The following CFAP107 variants were observed in gnomAD, a reference collection of about 807,000 sequenced individuals.
The protein encoded by CFAP107 is cilia- and flagella-associated protein 107.
At chr1:12,754,342 G>A in the CFAP107 span, among the ~76,000 whole-genome samples, 10 of 152,212 alleles carry the variant, frequency 6.6e-5, no homozygotes, top group African/African-American at 2.4e-4. Flanking sequence ...TCACCCTTTA[G>A]TATGGCTAGT....
At chr1:12,752,392 C>A in the CFAP107 span, among the ~76,000 whole-genome samples, 2 of 151,304 alleles carry the variant, frequency 1.3e-5, no homozygotes, top group African/African-American at 4.9e-5. Flanking sequence ...TGAGACCAGC[C>A]TGGCCAACAT....
At chr1:12,752,980 T>G in the CFAP107 span, among the ~76,000 whole-genome samples, 17 of 152,278 alleles carry the variant, frequency 1.1e-4, no homozygotes, top group Non-Finnish European at 2.1e-4. Context: ...ATTTTATATA[T>G]AGGAAACACA....
chr1:12,757,143 C>T, the CFAP107 span, among the ~76,000 whole-genome samples: 1 of 152,118 alleles, frequency 6.6e-6, no homozygotes, highest in Admixed American at 6.5e-5. Context: ...CTCTAACCAT[C>T]CATGTATGTG....
chr1:12,748,394 A>C, the CFAP107 span, among the ~76,000 whole-genome samples: 1 of 152,064 alleles, frequency 6.6e-6, no homozygotes, highest in Admixed American at 6.6e-5. Context: ...AAGTCGAAGA[A>C]GAAGCAGGGG....
chr1:12,748,304 G>A, the CFAP107 span, among the ~76,000 whole-genome samples: 1 of 152,176 alleles, frequency 6.6e-6, no homozygotes, highest in Non-Finnish European at 1.5e-5. Context: ...GGCACAGCTA[G>A]TGAAAGCTGC....
At chr1:12,746,274 C>A in the CFAP107 span, 57 of 509,526 alleles carry the variant, frequency 1.1e-4, no homozygotes, top group Middle Eastern at 4.4e-4. Flanking sequence ...CCGTTTTATT[C>A]TCTGAGGTTA....
chr1:12,760,326 C>T, the CFAP107 span, among the ~76,000 whole-genome samples: 1 of 152,196 alleles, frequency 6.6e-6, no homozygotes, highest in Admixed American at 6.5e-5. Flanking sequence ...AGTGCCAGCT[C>T]TTTGTGGTCC....
At chr1:12,755,200 A>G in the CFAP107 span, among the ~76,000 whole-genome samples, 43 of 152,288 alleles carry the variant, frequency 2.8e-4, no homozygotes, top group East Asian at 7.7e-3. Flanking sequence ...AGGTTGAGAG[A>G]TCGAGACCAT....
At chr1:12,761,271 G>T in the CFAP107 span, 2 of 236,588 alleles carry the variant, frequency 8.5e-6, no homozygotes, top group African/African-American at 4.5e-5. Context: ...GGAAACTGAG[G>T]CCCGGAGAGG....
At chr1:12,755,941 C>A in the CFAP107 span, 1 of 638,578 alleles carries the variant, frequency 1.6e-6, no homozygotes, top group Non-Finnish European at 2.8e-6. Context: ...TAATACCCTC[C>A]CAGCCCGGGG....
At chr1:12,751,738 A>G in the CFAP107 span, among the ~76,000 whole-genome samples, 3 of 152,258 alleles carry the variant, frequency 2.0e-5, no homozygotes. Flanking sequence ...GAAGAGATGC[A>G]AGTAACTAAA....
chr1:12,759,408 C>A, the CFAP107 span: 2 of 1,614,174 alleles, frequency 1.2e-6, no homozygotes, highest in Non-Finnish European at 1.7e-6. Flanking sequence ...ATGGTTACAA[C>A]CCGGGGCTGC....
chr1:12,748,373 T>C, the CFAP107 span, among the ~76,000 whole-genome samples: 4 of 150,008 alleles, frequency 2.7e-5, no homozygotes, highest in South Asian at 4.2e-4. Context: ...AGGAATACAA[T>C]AGAACATCTG....
At chr1:12,759,136 A>T in the CFAP107 span, among the ~76,000 whole-genome samples, 1 of 152,178 alleles carries the variant, frequency 6.6e-6, no homozygotes, top group Non-Finnish European at 1.5e-5. Flanking sequence ...TGAATGTGGG[A>T]TGCCTCAGAG....
At chr1:12,763,206 C>T in the CFAP107 span, 1 of 151,926 alleles carries the variant, frequency 6.6e-6, no homozygotes, top group African/African-American at 2.4e-5. Flanking sequence ...ACAACAACAA[C>T]AAACTTACAC....
chr1:12,759,306 C>T, the CFAP107 span: 2 of 1,613,216 alleles, frequency 1.2e-6, no homozygotes, highest in Non-Finnish European at 1.7e-6. Context: ...GTCTGTCCTT[C>T]CAGGGGCTAC....
chr1:12,750,498 T>C, the CFAP107 span, among the ~76,000 whole-genome samples: 1 of 152,140 alleles, frequency 6.6e-6, no homozygotes, highest in Non-Finnish European at 1.5e-5. Context: ...TGACTATAGA[T>C]TGAAGTACAC....
the CFAP107 span, among the ~76,000 whole-genome samples, chr1:12,757,309 G>A: frequency 1.3e-5 from 2 of 151,664 alleles, no homozygotes; most frequent in Admixed American, 6.6e-5. Flanking sequence ...AACAGACGAT[G>A]GAATATTCAT....
At chr1:12,754,177 A>G in the CFAP107 span, among the ~76,000 whole-genome samples, 4 of 152,240 alleles carry the variant, frequency 2.6e-5, no homozygotes, top group African/African-American at 9.6e-5. Flanking sequence ...TAACTCAACA[A>G]TAGCCAAAGA....
Sources: allele counts gnomAD v4.1 joint callset (sites outside exome capture counted in the v4.1 genomes callset), GRCh38; gene constraint gnomAD v4.1.1; transcripts MANE v1.5; gene names NCBI Gene and HGNC (gene_info 2026-07-23, HGNC 2026-07-21).